The following PGR variants were observed in gnomAD, a reference collection of about 807,000 sequenced individuals.
PGR encodes the protein nuclear receptor subfamily 3 group C member 3.
PGR carries 25 observed loss-of-function variants against 76.1 expected under a neutral mutation model. The ratio of observed to expected loss-of-function variants is 0.33; its 90% CI spans 0.24 to 0.46. The LOEUF (loss-of-function observed/expected upper bound fraction) is 0.46, where lower values mean the gene tolerates loss of function less well. Among genes scored for constraint, PGR ranks in the 20% least tolerant of loss-of-function variants. The pLI, the probability that PGR is intolerant of heterozygous loss-of-function variation, is 1.00. For missense variants in PGR, 1,172 were observed against 1,225.3 expected (o/e 0.96, Z 0.65); for synonymous variants, 579 against 535.0 (o/e 1.08, Z -1.14).
At chr11:101,087,149 G>C (rs1245935698) in intron 3 of PGR, among the ~76,000 whole-genome samples, 2 of 152,094 alleles carry the variant, frequency 1.3e-5, no homozygotes, top group Admixed American at 6.5e-5. Context: ...AAAAAGAAAA[G>C]TCAGAGGCAT....
intron 2 of PGR, among the ~76,000 whole-genome samples, chr11:101,109,989 T>C (rs1862293979): frequency 6.6e-6 from 1 of 152,154 alleles, no homozygotes; most frequent in African/African-American, 2.4e-5. Context: ...GTTCTAGAAA[T>C]GGAACAACAA....
rs1862879466 is a variant in PGR at position 101,127,417 on chromosome 11, C to T, written c.1637+17G>A. ...TACTCCCGGACGCGCTGGGCGTGCC[C>T]CGTCCCGGGCCCTCACCTCAGGTAG... is the stretch of plus-strand genomic sequence containing the variant. On this transcript the variant is annotated intron_variant, in intron 1 of 7. Transcript: ENST00000325455. 9 of 1,524,434 alleles carry T rather than the reference C, an allele frequency of 5.9e-6. No individual in the cohort carries two copies. The highest frequency in any genetic ancestry group is 2.0e-5 in the Admixed American group (1 of 49,686). The allele number at this position is 1,524,434 out of a possible 1,614,324, so 94.4% of individuals were successfully genotyped here. A position where few individuals can be genotyped will look rare whatever the true frequency, so the allele number is the denominator to read the frequency against.
In PGR at chr11:101,044,911, T is replaced by C. The variant is rs144912275; in HGVS notation, c.2489-2809A>G. ...TGGTAGAGATGGGGTTTCACTATAT[T>C]GGCCAGGCTGGTCTTGAACTCCTCA... On this transcript the variant is annotated intron_variant, in intron 6 of 7. Coordinates refer to ENST00000325455, the MANE Select transcript of PGR (RefSeq NM_000926.4). 7.7e-3 allele frequency among the ~76,000 whole-genome samples: 1,173 copies of C among 152,102 alleles called. 17 individuals carry two copies. The highest frequency in any genetic ancestry group is 0.025 in the African/African-American group (1,034 of 41,492).
At chr11:101,116,557 C>T (rs955976540) in intron 2 of PGR, among the ~76,000 whole-genome samples, 3 of 151,912 alleles carry the variant, frequency 2.0e-5, no homozygotes, top group Non-Finnish European at 2.9e-5. Context: ...CTGGTCAACA[C>T]GGTGAAACCC....
intron 2 of PGR, among the ~76,000 whole-genome samples, chr11:101,109,735 G>A (rs976614896): frequency 6.6e-6 from 1 of 152,206 alleles, no homozygotes; most frequent in African/African-American, 2.4e-5. Flanking sequence ...ATGGATGAAG[G>A]TAGCTACACT....
intron 3 of PGR, among the ~76,000 whole-genome samples, chr11:101,079,222 T>C (rs1022945420): frequency 6.6e-6 from 1 of 152,120 alleles, no homozygotes; most frequent in Non-Finnish European, 1.5e-5. Flanking sequence ...TTTGGGTAAA[T>C]ATTTTTGTAG....
chr11:101,032,120 T>C lies in PGR; in HGVS notation c.*6996A>G, dbSNP rs1400951346. On this transcript the variant is annotated 3_prime_UTR_variant, in exon 8 of 8. Transcript: ENST00000325455. Reference sequence around the variant, plus strand: ...AACACATAAGCAAAATAATTAGACATCTGGCCTTGTGTTTGACAATTTATA... The same window carrying C: ...AACACATAAGCAAAATAATTAGACACCTGGCCTTGTGTTTGACAATTTATA... The C allele has an allele frequency of 4.3e-6, 1 of 232,830 alleles. No individual in the cohort carries two copies. The highest frequency in any genetic ancestry group is 8.5e-6 in the Non-Finnish European group (1 of 117,872). The allele number at this position is 232,830 out of a possible 1,614,324, so 14.4% of individuals were successfully genotyped here.
At position 101,128,334 on chromosome 11, in the gene PGR, C is replaced by G; in HGVS notation, c.737G>C (p.Gly246Ala). Residue 246 changes from glycine (G) to alanine (A), a missense_variant, in exon 1 of 8, where the codon GGC (glycine) becomes GCC (alanine). This residue lies in a region of PGR where 893 missense variants were observed against 785.9 expected (regional missense o/e 1.14). Transcript: ENST00000325455. Reference protein sequence around the residue: ...LLKGKPRALGGAAAGGGAAAV... With the variant: ...LLKGKPRALGAAAAGGGAAAV... ...CGCGGCTCCTCCTCCAGCCGCCGCG[C>G]CACCCAGAGCCCGAGGTTTGCCCTT... is the stretch of plus-strand genomic sequence containing the variant. The G allele has an allele frequency of 1.3e-6, 2 of 1,598,570 alleles. No individual in the cohort carries two copies. Among genetic ancestry groups the G allele is most frequent in the African/African-American group, 1.3e-5 (1 of 74,946 alleles).
intron 2 of PGR, among the ~76,000 whole-genome samples, chr11:101,110,685 T>G (rs1223197764): frequency 6.6e-6 from 1 of 152,218 alleles, no homozygotes; most frequent in Non-Finnish European, 1.5e-5. Context: ...CAGCAGGTTT[T>G]GAGAAAAGTG....
rs11571160 is a variant in PGR, at chr11:101,125,276, A to AACAC, written c.1789+727_1789+730dup. On this transcript the variant is annotated intron_variant, in intron 2 of 7. Transcript: ENST00000325455. ...ATTTTCTTTGAAAGTTAAAATCTGA[A>AACAC]ACACTATGCAAGTAAATCTGAAATC... 2.0e-5 allele frequency among the ~76,000 whole-genome samples: 3 copies of AACAC among 151,918 alleles called. No individual in the cohort carries two copies. In the South Asian group the frequency reaches 6.2e-4, roughly 32 times the overall value.
chr11:101,128,536 C>T lies in PGR; in HGVS notation c.535G>A (p.Ala179Thr). Residue 179 changes from alanine (A) to threonine (T), a missense_variant, in exon 1 of 8, where the codon GCA (alanine) becomes ACA (threonine). Physicochemically the swap from Ala to Thr is moderately conservative, Grantham distance 58. This residue lies in a region of PGR where 893 missense variants were observed against 785.9 expected (regional missense o/e 1.14). Coordinates refer to ENST00000325455, the MANE Select transcript of PGR (RefSeq NM_000926.4). ...CGGGGCAGCACTTTATGGGCAGCTG[C>T]CGTCCCGGAGCTGTCTCCAACCTTG... Reference protein sequence around the residue: ...GCKVGDSSGTAAAHKVLPRGL... With the variant: ...GCKVGDSSGTTAAHKVLPRGL... 1 of 1,599,584 alleles carries T rather than the reference C, an allele frequency of 6.3e-7. No homozygotes were observed. The highest frequency in any genetic ancestry group is 8.5e-7 in the Non-Finnish European group (1 of 1,176,438).
rs1205197143 is a variant in PGR, at chr11:101,036,796, A to G, written c.*2320T>C. Reference sequence around the variant, plus strand: ...TTCCCTCATAGTTGAGTGAAATTAGAAAATTTTAAAGTTATTATGGAAATT... The same window carrying G: ...TTCCCTCATAGTTGAGTGAAATTAGGAAATTTTAAAGTTATTATGGAAATT... On this transcript the variant is annotated 3_prime_UTR_variant, in exon 8 of 8. Coordinates refer to ENST00000325455, the MANE Select transcript of PGR (RefSeq NM_000926.4). 1 of 193,022 alleles carries G rather than the reference A, an allele frequency of 5.2e-6. No homozygotes were observed. Among genetic ancestry groups the G allele is most frequent in the African/African-American group, 2.3e-5 (1 of 43,150 alleles). The allele number at this position is 193,022 out of a possible 1,614,324, so 12.0% of individuals were successfully genotyped here.
intron 6 of PGR, among the ~76,000 whole-genome samples, chr11:101,048,547 G>A (rs1859971463): frequency 6.6e-6 from 1 of 152,054 alleles, no homozygotes; most frequent in Non-Finnish European, 1.5e-5. Flanking sequence ...GTAACACAAT[G>A]GTAAGTGTTT....
At chr11:101,101,272 C>T (rs184192655) in intron 2 of PGR, among the ~76,000 whole-genome samples, 2 of 151,938 alleles carry the variant, frequency 1.3e-5, no homozygotes, top group Non-Finnish European at 2.9e-5. Flanking sequence ...AACATGAGTA[C>T]ATAATGATAT....
chr11:101,035,765 G>T lies in PGR; in HGVS notation c.*3351C>A. 4.3e-6 allele frequency: 1 copy of T among 231,912 alleles called. No individual in the cohort carries two copies. Among genetic ancestry groups the T allele is most frequent in the Non-Finnish European group, 8.5e-6 (1 of 117,290 alleles). 14.4% of individuals were successfully genotyped at this position (231,912 alleles called of 1,614,324 possible). A position where few individuals can be genotyped will look rare whatever the true frequency, so the allele number is the denominator to read the frequency against. The stretch of plus-strand genomic sequence containing the variant: ...ATTTTTTCAGCAGAAGAAATTACTT[G>T]AATACTTCCAGCCCTAATTTCAAAT... On this transcript the variant is annotated 3_prime_UTR_variant, in exon 8 of 8. Transcript: ENST00000325455.
At position 101,110,337 on chromosome 11, in the gene PGR, G is replaced by A. The variant is rs116922753; in HGVS notation, c.1789+15670C>T. ...TCATTAAGAACATTTGTGGTTAATC[G>A]GAGAAAGTCAAAGCATCAGCATTAA... is the stretch of plus-strand genomic sequence containing the variant. On this transcript the variant is annotated intron_variant, in intron 2 of 7. Transcript: ENST00000325455. Among the ~76,000 whole-genome samples the A allele has an allele frequency of 1.5e-4, 23 of 152,290 alleles. No individual in the cohort carries two copies. In the East Asian group the frequency reaches 3.7e-3, roughly 24 times the overall value.
chr11:101,105,791 C>G (rs1315242381), intron 2 of PGR, among the ~76,000 whole-genome samples: 1 of 152,102 alleles, frequency 6.6e-6, no homozygotes, highest in African/African-American at 2.4e-5. Context: ...GCAAAAAGAA[C>G]AAAGCTGGAG....
In PGR at chr11:101,035,362, G is replaced by T. The variant is rs1859473892; in HGVS notation, c.*3754C>A. On this transcript the variant is annotated 3_prime_UTR_variant, in exon 8 of 8. Transcript: ENST00000325455. ...ATGTGTGAAGGATAAGTATGGATGAGAGAAACTGCTCAGGTATTCACAGCA... is the reference window on the plus strand; with the variant it reads ...ATGTGTGAAGGATAAGTATGGATGATAGAAACTGCTCAGGTATTCACAGCA... 8.7e-6 allele frequency: 2 copies of T among 230,994 alleles called. No individual in the cohort carries two copies. The highest frequency in any genetic ancestry group is 4.4e-5 in the African/African-American group (2 of 45,222). The allele number at this position is 230,994 out of a possible 1,614,324, so 14.3% of individuals were successfully genotyped here. A position where few individuals can be genotyped will look rare whatever the true frequency, so the allele number is the denominator to read the frequency against.
intron 2 of PGR, among the ~76,000 whole-genome samples, chr11:101,123,647 AAGCTT>A (rs1862747901): frequency 6.6e-6 from 1 of 152,156 alleles, no homozygotes; most frequent in Non-Finnish European, 1.5e-5. Context: ...AATGCCTAGA[AAGCTT>A]ATTTGTCCTT....
Sources: gnomAD v4.1 joint callset for allele counts (sites outside exome capture counted in the v4.1 genomes callset) on GRCh38, gnomAD v4.1.1 for gene constraint, gnomAD v4.1.1 regional missense constraint, MANE v1.5 for transcripts, NCBI Gene and HGNC (gene_info 2026-07-23, HGNC 2026-07-21) for gene names.